The following SCHIP1 variants were observed in gnomAD, a reference collection of about 807,000 sequenced individuals.
SCHIP1 encodes the protein schwannomin-interacting protein 1.
Under a neutral mutation model 29.7 loss-of-function variants are expected in SCHIP1, and 8 were observed. That is an observed-to-expected ratio of 0.27 (90% CI 0.16 to 0.49). SCHIP1 has a LOEUF of 0.49. Ranked by LOEUF, SCHIP1 falls within the 20% of genes least tolerant of loss-of-function variation. The pLI, the probability that SCHIP1 is intolerant of heterozygous loss-of-function variation, is 0.99. For synonymous variants in SCHIP1, 76 were observed against 94.9 expected (o/e 0.80, Z 1.16); for missense variants, 193 against 294.6 (o/e 0.66, Z 2.52).
the SCHIP1 span, among the ~76,000 whole-genome samples, chr3:159,605,618 G>A: frequency 5.0e-3 from 760 of 152,174 alleles, 3 homozygotes; most frequent in Middle Eastern, 0.01. Flanking sequence ...GTCAGTATAT[G>A]AAATGCCAGC....
At chr3:159,763,600 CG>C in the SCHIP1 span, 2 of 153,012 alleles carry the variant, frequency 1.3e-5, no homozygotes, top group African/African-American at 4.8e-5. Context: ...CCGCGAAAAC[CG>C]GGACTGCGGA....
the SCHIP1 span, among the ~76,000 whole-genome samples, chr3:159,354,760 G>A: frequency 5.3e-5 from 8 of 152,014 alleles, no homozygotes; most frequent in Non-Finnish European, 8.8e-5. Flanking sequence ...TTTATGCATG[G>A]TAAGTACAAT....
At chr3:159,629,669 A>G in the SCHIP1 span, among the ~76,000 whole-genome samples, 1 of 152,182 alleles carries the variant, frequency 6.6e-6, no homozygotes, top group South Asian at 2.1e-4. Context: ...CACCTCCTTC[A>G]CAAGGCTGTT....
the SCHIP1 span, among the ~76,000 whole-genome samples, chr3:159,487,238 G>A: frequency 6.6e-6 from 1 of 152,140 alleles, no homozygotes; most frequent in African/African-American, 2.4e-5. Flanking sequence ...GTTGTGATGT[G>A]ATTGATTTTG....
At chr3:159,519,794 G>A in the SCHIP1 span, among the ~76,000 whole-genome samples, 1,142 of 151,924 alleles carry the variant, frequency 7.5e-3, 15 homozygotes, top group African/African-American at 0.026. Context: ...GGGTTAGGAG[G>A]AGGGTAGTGG....
chr3:159,640,687 C>T, the SCHIP1 span, among the ~76,000 whole-genome samples: 7 of 152,136 alleles, frequency 4.6e-5, no homozygotes. Context: ...GAAGGCACAG[C>T]GTCACAATCA....
At chr3:159,666,394 G>T in the SCHIP1 span, among the ~76,000 whole-genome samples, 347 of 152,254 alleles carry the variant, frequency 2.3e-3, 1 homozygote, top group African/African-American at 8.0e-3. Context: ...TTTCTATAAC[G>T]GTGCTATCAA....
At chr3:159,288,504 G>A in the SCHIP1 span, among the ~76,000 whole-genome samples, 2 of 152,086 alleles carry the variant, frequency 1.3e-5, no homozygotes, top group Non-Finnish European at 2.9e-5. Flanking sequence ...TTGGGAGGCC[G>A]GGGCGGGCGG....
At chr3:159,857,919 A>G (rs912491228) in intron 1 of SCHIP1, among the ~76,000 whole-genome samples, 1 of 152,190 alleles carries the variant, frequency 6.6e-6, no homozygotes, top group Non-Finnish European at 1.5e-5. Context: ...CATGTTAAGC[A>G]GGGTCTTCTT....
the SCHIP1 span, among the ~76,000 whole-genome samples, chr3:159,731,080 C>G: frequency 6.6e-6 from 1 of 152,130 alleles, no homozygotes; most frequent in Non-Finnish European, 1.5e-5. Flanking sequence ...TTTAAAAGAT[C>G]CCAAATCTGT....
At chr3:159,486,997 G>A in the SCHIP1 span, among the ~76,000 whole-genome samples, 2 of 152,202 alleles carry the variant, frequency 1.3e-5, no homozygotes, top group African/African-American at 4.8e-5. Context: ...AGCTAGCAAT[G>A]TCTCCAGTAG....
At chr3:159,360,106 G>A in the SCHIP1 span, among the ~76,000 whole-genome samples, 3 of 152,150 alleles carry the variant, frequency 2.0e-5, no homozygotes, top group African/African-American at 7.2e-5. Context: ...GGACCCAGAG[G>A]AGCCCTCCCT....
the SCHIP1 span, among the ~76,000 whole-genome samples, chr3:159,314,720 A>G: frequency 1.3e-5 from 2 of 152,160 alleles, no homozygotes; most frequent in East Asian, 1.9e-4. Context: ...ATTCCAATCA[A>G]CCATGGTACT....
chr3:159,741,156 A>G, the SCHIP1 span, among the ~76,000 whole-genome samples: 1 of 152,202 alleles, frequency 6.6e-6, no homozygotes, highest in Non-Finnish European at 1.5e-5. Flanking sequence ...TAGATGTTCA[A>G]TAAATGTTTA....
chr3:159,786,176 A>G, the SCHIP1 span, among the ~76,000 whole-genome samples: 2 of 152,234 alleles, frequency 1.3e-5, no homozygotes, highest in African/African-American at 4.8e-5. Context: ...AGCTGTTTGT[A>G]GTGCCATGAA....
chr3:159,554,005 TGTGTGTG>T, the SCHIP1 span, among the ~76,000 whole-genome samples: 1 of 126,806 alleles, frequency 7.9e-6, no homozygotes, highest in Non-Finnish European at 1.5e-5. Flanking sequence ...TGTGTGTGTG[TGTGTGTG>T]TGTGTGTTTG....
chr3:159,431,145 C>T, the SCHIP1 span, among the ~76,000 whole-genome samples: 1 of 152,046 alleles, frequency 6.6e-6, no homozygotes, highest in Non-Finnish European at 1.5e-5. Flanking sequence ...CACAAAACAA[C>T]ACAAAACAAC....
chr3:159,475,077 C>T, the SCHIP1 span, among the ~76,000 whole-genome samples: 1 of 152,234 alleles, frequency 6.6e-6, no homozygotes, highest in African/African-American at 2.4e-5. Flanking sequence ...CATCATCCAG[C>T]TACTCCACTC....
chr3:159,354,223 G>T, the SCHIP1 span, among the ~76,000 whole-genome samples: 1 of 152,112 alleles, frequency 6.6e-6, no homozygotes, highest in Non-Finnish European at 1.5e-5. Context: ...AATTTAGTCA[G>T]CTTTTACTGA....
Sources: allele counts gnomAD v4.1 joint callset (sites outside exome capture counted in the v4.1 genomes callset), GRCh38; gene constraint gnomAD v4.1.1; transcripts MANE v1.5; gene names NCBI Gene and HGNC (gene_info 2026-07-23, HGNC 2026-07-21).